Variants in CHRM2 observed in about 807,000 individuals in gnomAD.
CHRM2 encodes cholinergic receptor muscarinic 2, also known as muscarinic acetylcholine receptor M2.
Under a neutral mutation model 25.0 loss-of-function variants are expected in CHRM2, and 8 were observed. That is an observed-to-expected ratio of 0.32 (90% confidence interval 0.19 to 0.58). CHRM2 has a LOEUF of 0.58. Among genes scored for constraint, CHRM2 ranks in the 20% least tolerant of loss-of-function variants. CHRM2 has a pLI of 0.88. For synonymous variants in CHRM2, 202 were observed against 205.7 expected, an observed-to-expected ratio of 0.98 and a Z score of 0.15; for missense variants, 440 against 567.1, an observed-to-expected ratio of 0.78 and a Z score of 2.28.
intron 3 of CHRM2, among the ~76,000 whole-genome samples, chr7:136,995,391 T>C (rs1242503350): frequency 6.6e-6 from 1 of 152,148 alleles, no homozygotes; most frequent in Non-Finnish European, 1.5e-5. Context: ...GAGAAAAAAC[T>C]TGAATAAGTA....
rs116165892 is a variant in CHRM2, at chr7:136,895,636, C to G, written c.-125+26218C>G. ...GTCTTAGCTTATCCATCTCCTCTCT[C>G]TTTTTTGGTTGCAATGGCAAGATTT... is the stretch of plus-strand genomic sequence containing the variant. On this transcript the variant is annotated intron_variant, in intron 2 of 3. Coordinates refer to ENST00000680005, the MANE Select transcript of CHRM2 (RefSeq NM_001006630.2). 3.4e-3 allele frequency among the ~76,000 whole-genome samples: 514 copies of G among 152,320 alleles called. 2 individuals are homozygous for G. Among genetic ancestry groups the G allele is most frequent in the African/African-American group, 0.012 (489 of 41,576 alleles).
At chr7:136,995,410 T>C (rs563614570) in intron 3 of CHRM2, among the ~76,000 whole-genome samples, 1 of 152,278 alleles carries the variant, frequency 6.6e-6, no homozygotes, top group South Asian at 2.1e-4. Flanking sequence ...TAAAAAATAT[T>C]TCTTGATATG....
intron 2 of CHRM2, among the ~76,000 whole-genome samples, chr7:136,979,027 C>T (rs1305141051): frequency 6.6e-6 from 1 of 152,174 alleles, no homozygotes; most frequent in African/African-American, 2.4e-5. Flanking sequence ...AATTGCCACA[C>T]TGCCCTCCAC....
At chr7:136,957,162 G>C (rs1011922671) in intron 2 of CHRM2, among the ~76,000 whole-genome samples, 2 of 152,212 alleles carry the variant, frequency 1.3e-5, no homozygotes, top group African/African-American at 4.8e-5. Flanking sequence ...TGCGGCAGGA[G>C]GCCAAGGATT....
chr7:136,875,633 A>T (rs1418636032), intron 2 of CHRM2, among the ~76,000 whole-genome samples: 1 of 152,112 alleles, frequency 6.6e-6, no homozygotes, highest in Non-Finnish European at 1.5e-5. Flanking sequence ...ACCTTTCTAA[A>T]ATGCAAATCT....
At chr7:136,992,295 A>G (rs919745105) in intron 3 of CHRM2, 31 bp downstream of exon 3, 1 of 152,294 alleles carries the variant, frequency 6.6e-6, no homozygotes, top group Middle Eastern at 3.4e-3. Context: ...TAATGAATAA[A>G]TTAATACATT....
intron 2 of CHRM2, among the ~76,000 whole-genome samples, chr7:136,989,909 T>A (rs1290871418): frequency 6.6e-6 from 1 of 152,072 alleles, no homozygotes; most frequent in Non-Finnish European, 1.5e-5. Flanking sequence ...TTTTCAACAG[T>A]TCAACTTCTT....
At chr7:136,918,939 A>C (rs950501582) in intron 2 of CHRM2, among the ~76,000 whole-genome samples, 18 of 152,164 alleles carry the variant, frequency 1.2e-4, no homozygotes, top group African/African-American at 4.3e-4. Context: ...CAAAGTGGAA[A>C]TCTGAGTGTA....
chr7:136,934,114 T>C (rs1205904260), intron 2 of CHRM2, among the ~76,000 whole-genome samples: 2 of 152,152 alleles, frequency 1.3e-5, no homozygotes, highest in East Asian at 1.9e-4. Flanking sequence ...GTGAATAGGA[T>C]GGTCTTAATT....
chr7:136,988,259 G>T, intron 2 of CHRM2, among the ~76,000 whole-genome samples: 1 of 151,938 alleles, frequency 6.6e-6, no homozygotes, highest in East Asian at 1.9e-4. Context: ...AAAGAGAAAG[G>T]AGGTCAGGGA....
intron 3 of CHRM2, 47 bp downstream of exon 3, chr7:136,992,311 A>G (rs544621415): frequency 6.6e-6 from 1 of 152,288 alleles, no homozygotes; most frequent in East Asian, 1.9e-4. Context: ...ACATTTATAG[A>G]CAAAACATTA....
chr7:137,003,896 T>G (rs900745357), intron 3 of CHRM2, among the ~76,000 whole-genome samples: 8 of 152,082 alleles, frequency 5.3e-5, no homozygotes, highest in Non-Finnish European at 1.2e-4. Context: ...TCTGATGATT[T>G]GATAAGGGGC....
chr7:136,984,460 G>A lies in CHRM2; in HGVS notation c.-124-7727G>A, dbSNP rs562095268. On this transcript the variant is annotated intron_variant, in intron 2 of 3. Transcript: ENST00000680005. ...CCAGGGAAGTGAACAGTTCTGTCTC[G>A]CTGGCGTTCCAGGCACCACCGGGGT... Among the ~76,000 whole-genome samples the A allele has an allele frequency of 1.3e-3, 202 of 151,900 alleles. 1 individual carries two copies. The highest frequency in any genetic ancestry group is 4.6e-3 in the African/African-American group (190 of 41,404).
chr7:136,902,738 C>G, intron 2 of CHRM2: 1 of 185,790 alleles, frequency 5.4e-6, no homozygotes, highest in Non-Finnish European at 1.1e-5. Flanking sequence ...TATCCTTTCT[C>G]CACCATACAA....
chr7:136,897,853 G>A (rs750657063), intron 2 of CHRM2, among the ~76,000 whole-genome samples: 7 of 151,626 alleles, frequency 4.6e-5, no homozygotes, highest in East Asian at 3.9e-4. Flanking sequence ...ATTTTTAGCC[G>A]TTTCTTAAAA....
intron 2 of CHRM2, among the ~76,000 whole-genome samples, chr7:136,966,964 A>G (rs749750506): frequency 2.0e-5 from 3 of 152,010 alleles, no homozygotes; most frequent in Admixed American, 6.6e-5. Flanking sequence ...TGAGCTTGGT[A>G]TAATTCCAAG....
chr7:136,900,536 G>A (rs903461631), intron 2 of CHRM2, among the ~76,000 whole-genome samples: 3 of 151,930 alleles, frequency 2.0e-5, no homozygotes, highest in East Asian at 1.9e-4. Flanking sequence ...TGTGAAGTGC[G>A]AGGAGCCATC....
chr7:136,989,197 G>A (rs1803053733), intron 2 of CHRM2, among the ~76,000 whole-genome samples: 1 of 150,746 alleles, frequency 6.6e-6, no homozygotes, highest in Admixed American at 6.6e-5. Flanking sequence ...TATATGTTTG[G>A]GAAAAATCCA....
intron 2 of CHRM2, among the ~76,000 whole-genome samples, chr7:136,874,379 G>A (rs1342425948): frequency 6.6e-6 from 1 of 151,214 alleles, no homozygotes. Flanking sequence ...ACATGTTCTA[G>A]CTCCTTCTTT....
Sources: allele counts gnomAD v4.1 joint callset (sites outside exome capture counted in the v4.1 genomes callset), GRCh38; gene constraint gnomAD v4.1.1; transcripts MANE v1.5; gene names NCBI Gene and HGNC (gene_info 2026-07-23, HGNC 2026-07-21).